Variants in RBFOX3 observed in about 807,000 individuals in gnomAD.
RBFOX3 encodes the protein RNA binding protein fox-1 homolog 3.
Under a neutral mutation model 48.7 loss-of-function variants are expected in RBFOX3, and 17 were observed. The ratio of observed to expected loss-of-function variants is 0.35; its 90% CI spans 0.24 to 0.52. The LOEUF (loss-of-function observed/expected upper bound fraction) is 0.52, where lower values mean the gene tolerates loss of function less well. RBFOX3 is among the 20% of genes least tolerant of loss of function. The probability of loss-of-function intolerance (pLI) is 0.94; values close to 1 mark genes in which losing one functional copy is unlikely to be tolerated. For synonymous variants in RBFOX3, 212 were observed against 209.5 expected, an observed-to-expected ratio of 1.01 and a Z score of -0.10; for missense variants, 382 against 497.5, an observed-to-expected ratio of 0.77 and a Z score of 2.21.
At chr17:79,248,177 A>G (rs1216283059) in intron 3 of RBFOX3, among the ~76,000 whole-genome samples, 1 of 152,012 alleles carries the variant, frequency 6.6e-6, no homozygotes, top group East Asian at 1.9e-4. Context: ...AACCCCAAGA[A>G]GACTTCTGCA....
the RBFOX3 span, among the ~76,000 whole-genome samples, chr17:79,626,967 T>C: frequency 6.6e-6 from 1 of 152,212 alleles, no homozygotes; most frequent in Non-Finnish European, 1.5e-5. Context: ...CATTTCTATC[T>C]CAATTCAGCC....
chr17:79,414,923 G>A (rs750380296), intron 2 of RBFOX3, among the ~76,000 whole-genome samples: 2 of 152,220 alleles, frequency 1.3e-5, no homozygotes, highest in Non-Finnish European at 2.9e-5. Context: ...AGCGGGAGGG[G>A]CCGTCGCAGT....
chr17:79,112,358 C>T (rs1046479738), intron 5 of RBFOX3, among the ~76,000 whole-genome samples: 6 of 152,054 alleles, frequency 3.9e-5, no homozygotes, highest in South Asian at 2.1e-4. Flanking sequence ...GTGGAGGTGT[C>T]GGGAAAGGCC....
intron 3 of RBFOX3, among the ~76,000 whole-genome samples, chr17:79,291,731 C>A (rs1217923051): frequency 6.6e-6 from 1 of 152,182 alleles, no homozygotes; most frequent in Non-Finnish European, 1.5e-5. Flanking sequence ...AGAGCCCCTG[C>A]GTTCACAGAA....
At chr17:79,367,257 CCTT>C (rs1005086389) in intron 2 of RBFOX3, among the ~76,000 whole-genome samples, 3 of 142,456 alleles carry the variant, frequency 2.1e-5, no homozygotes, top group African/African-American at 7.8e-5. Context: ...CTCCCCTCCT[CCTT>C]TTCTTCTTTC....
intron 2 of RBFOX3, among the ~76,000 whole-genome samples, chr17:79,329,628 T>C (rs966092841): frequency 2.0e-4 from 30 of 152,036 alleles, no homozygotes; most frequent in African/African-American, 7.2e-4. Context: ...TACCCTCTGG[T>C]CCATGTCTCT....
chr17:79,174,707 C>A lies in RBFOX3; in HGVS notation c.-33-58959G>T, dbSNP rs750372723. On this transcript the variant is annotated intron_variant, in intron 4 of 14. Coordinates refer to ENST00000693108, the MANE Select transcript of RBFOX3 (RefSeq NM_001350451.2). ...ACACTCACATGCACTTGCACACACA[C>A]AGACACATGCACACAATGCATTCAC... 1.0e-3 allele frequency among the ~76,000 whole-genome samples: 157 copies of A among 152,130 alleles called. 1 individual carries two copies. Among genetic ancestry groups the A allele is most frequent in the Non-Finnish European group, 1.8e-3 (125 of 67,972 alleles).
At chr17:79,379,939 C>T (rs1476285107) in intron 2 of RBFOX3, among the ~76,000 whole-genome samples, 7 of 152,298 alleles carry the variant, frequency 4.6e-5, no homozygotes, top group Admixed American at 1.3e-4. Flanking sequence ...CGGCCTCTCC[C>T]GCACCCTCCT....
At chr17:79,502,528 A>G (rs2082522930) in intron 1 of RBFOX3, among the ~76,000 whole-genome samples, 1 of 152,246 alleles carries the variant, frequency 6.6e-6, no homozygotes, top group African/African-American at 2.4e-5. Flanking sequence ...TGCATATTTT[A>G]CCACAGTAAA....
intron 4 of RBFOX3, among the ~76,000 whole-genome samples, chr17:79,191,875 C>T (rs1241352359): frequency 6.6e-6 from 1 of 152,186 alleles, no homozygotes; most frequent in East Asian, 1.9e-4. Flanking sequence ...CCCTGGGCAG[C>T]CTCTTCCCTC....
intron 4 of RBFOX3, among the ~76,000 whole-genome samples, chr17:79,173,380 A>G (rs1005491595): frequency 6.6e-6 from 1 of 152,202 alleles, no homozygotes; most frequent in Admixed American, 6.5e-5. Flanking sequence ...CTCATGAGAC[A>G]GCTCATGCTA....
At chr17:79,328,737 G>A (rs1185080803) in intron 2 of RBFOX3, among the ~76,000 whole-genome samples, 1 of 152,210 alleles carries the variant, frequency 6.6e-6, no homozygotes, top group Non-Finnish European at 1.5e-5. Flanking sequence ...TCTCCACCCG[G>A]AGACATTTGG....
intron 4 of RBFOX3, among the ~76,000 whole-genome samples, chr17:79,127,005 C>T (rs1011141458): frequency 2.6e-5 from 4 of 152,206 alleles, no homozygotes; most frequent in African/African-American, 9.7e-5. Context: ...TTGGGTGAAG[C>T]CTCCAGTTTC....
Position 79,470,460 on chromosome 17 carries a change from CAG to C in RBFOX3, c.-175+11992_-175+11993del, listed in dbSNP as rs558891629. Among the ~76,000 whole-genome samples, 773 of 152,288 alleles carry C rather than the reference CAG, an allele frequency of 5.1e-3. 7 individuals carry two copies. The highest frequency in any genetic ancestry group is 0.018 in the African/African-American group (738 of 41,556). On this transcript the variant is annotated intron_variant, in intron 2 of 14. Transcript: ENST00000693108. ...ATGTGAAATGTCGCCACATTATAAG[CAG>C]AGTCTCATAAAATTTCACAGGAAGG...
chr17:79,173,761 C>T (rs1382062164), intron 4 of RBFOX3, among the ~76,000 whole-genome samples: 5 of 152,038 alleles, frequency 3.3e-5, no homozygotes, highest in Admixed American at 3.3e-4. Flanking sequence ...TACCCCAGGC[C>T]TTCTCCCACC....
intron 2 of RBFOX3, among the ~76,000 whole-genome samples, chr17:79,472,895 C>T (rs2077224429): frequency 2.0e-5 from 3 of 152,162 alleles, no homozygotes; most frequent in Admixed American, 2.0e-4. Flanking sequence ...CATTCTGGAC[C>T]TACATTTTTG....
chr17:79,309,223 T>C (rs1408062979), intron 2 of RBFOX3, among the ~76,000 whole-genome samples: 3 of 151,974 alleles, frequency 2.0e-5, no homozygotes, highest in Non-Finnish European at 4.4e-5. Flanking sequence ...TCAAAGCACC[T>C]GAGAGTAGAT....
chr17:79,155,614 C>T (rs189850870), intron 4 of RBFOX3, among the ~76,000 whole-genome samples: 7 of 152,078 alleles, frequency 4.6e-5, no homozygotes, highest in Admixed American at 1.3e-4. Context: ...AGGGTGAAGA[C>T]GAAGTGGGTG....
intron 1 of RBFOX3, among the ~76,000 whole-genome samples, chr17:79,609,015 A>G (rs928986008): frequency 0.032 from 4,725 of 147,712 alleles, 452 homozygotes; most frequent in East Asian, 0.28. Context: ...GGCTTTCATC[A>G]GGCAGCGCCT....
Sources: gnomAD v4.1 joint callset for allele counts (sites outside exome capture counted in the v4.1 genomes callset) on GRCh38, gnomAD v4.1.1 for gene constraint, MANE v1.5 for transcripts, NCBI Gene and HGNC (gene_info 2026-07-23, HGNC 2026-07-21) for gene names.